The following SHCBP1 variants were observed in gnomAD, a reference collection of about 807,000 sequenced individuals.
SHCBP1 encodes the protein SHC binding and spindle associated 1, also known as SHC SH2 domain-binding protein 1.
In SHCBP1, 60 loss-of-function variants were observed where a neutral mutation model predicts 75.1. The ratio of observed to expected loss-of-function variants is 0.80; its 90% CI spans 0.65 to 0.99. SHCBP1 has a LOEUF of 0.99. Among genes scored for constraint, SHCBP1 ranks in the 50% least tolerant of loss-of-function variants. The pLI, the probability that SHCBP1 is intolerant of heterozygous loss-of-function variation, is 0.00. For synonymous variants in SHCBP1, 290 were observed against 293.2 expected (o/e 0.99, Z 0.11); for missense variants, 709 against 809.4 (o/e 0.88, Z 1.50).
In SHCBP1 at chr16:46,615,965, G is replaced by C; in HGVS notation, c.577C>G (p.Leu193Val). 6.2e-7 allele frequency: 1 copy of C among 1,614,094 alleles called. No homozygotes were observed. The highest frequency in any genetic ancestry group is 8.5e-7 in the Non-Finnish European group (1 of 1,180,028). ...DDSGVFDQTA[L>V]AIEHVRFFYQ... Reference sequence around the variant, plus strand: ...TCCTACCTGACATGCTCAATTGCAAGGGCTGTCTGGTCAAACACTCCTGAA... The same window carrying C: ...TCCTACCTGACATGCTCAATTGCAACGGCTGTCTGGTCAAACACTCCTGAA... Residue 193 changes from leucine (L) to valine (V), a missense_variant, in exon 4 of 13, where the codon CTT (leucine) becomes GTT (valine). Transcript: ENST00000303383.
At chr16:46,603,355 C>T (rs1229752758) in intron 8 of SHCBP1, among the ~76,000 whole-genome samples, 184 bp downstream of exon 8, 1 of 152,194 alleles carries the variant, frequency 6.6e-6, no homozygotes, top group Non-Finnish European at 1.5e-5. Flanking sequence ...AGAACCACAA[C>T]TCAAATTGCT....
At chr16:46,609,603 C>T (rs1965377077) in intron 4 of SHCBP1, among the ~76,000 whole-genome samples, 1 of 151,806 alleles carries the variant, frequency 6.6e-6, no homozygotes. Context: ...AGGCAACCGC[C>T]ACCACGCCTG....
chr16:46,602,637 A>C (rs1409526381), intron 8 of SHCBP1, among the ~76,000 whole-genome samples: 1 of 152,100 alleles, frequency 6.6e-6, no homozygotes, highest in Admixed American at 6.6e-5. Context: ...ACTGTGAAAA[A>C]GTTATTTTTT....
chr16:46,580,317 T>C lies in SHCBP1; in HGVS notation c.*1412A>G, dbSNP rs1476075916. ...GATTTTTTAAAAGTAAAAATACCTT[T>C]CAATGATCAAATAATAAATCTAACA... On this transcript the variant is annotated 3_prime_UTR_variant, in exon 13 of 13. Coordinates refer to ENST00000303383, the MANE Select transcript of SHCBP1 (RefSeq NM_024745.5). Among the ~76,000 whole-genome samples, 2 of 152,146 alleles carry C rather than the reference T, an allele frequency of 1.3e-5. No individual in the cohort carries two copies. Among genetic ancestry groups the C allele is most frequent in the Non-Finnish European group, 2.9e-5 (2 of 68,024 alleles).
chr16:46,601,329 AC>A (rs1233597290), intron 8 of SHCBP1, among the ~76,000 whole-genome samples: 1 of 152,308 alleles, frequency 6.6e-6, no homozygotes, highest in East Asian at 1.9e-4. Context: ...AAACAAAAAA[AC>A]CATCAGATCT....
intron 4 of SHCBP1, among the ~76,000 whole-genome samples, chr16:46,610,364 C>T (rs953674038): frequency 3.3e-5 from 5 of 151,998 alleles, no homozygotes; most frequent in African/African-American, 1.2e-4. Context: ...TCTCCTGCTG[C>T]TCTTTCACAG....
intron 10 of SHCBP1, among the ~76,000 whole-genome samples, chr16:46,589,128 A>C (rs1301047020): frequency 6.6e-6 from 1 of 152,236 alleles, no homozygotes; most frequent in African/African-American, 2.4e-5. Flanking sequence ...ACAGCGTCTC[A>C]TGCTAAAAAC....
chr16:46,581,405 T>C lies in SHCBP1; in HGVS notation c.*324A>G, dbSNP rs554060338. The C allele has an allele frequency of 1.1e-5, 3 of 267,600 alleles. No individual in the cohort carries two copies. The South Asian group carries it at 1.8e-4, about 16-fold the overall frequency. 16.6% of individuals were successfully genotyped at this position (267,600 alleles called of 1,614,324 possible). A position where few individuals can be genotyped will look rare whatever the true frequency, so the allele number is the denominator to read the frequency against. ...ACTAGTCTTGCATTCCCTTCCTTACTTCCTCGTCTTTGAAGTGCTAAAGGT... is the reference window on the plus strand; with the variant it reads ...ACTAGTCTTGCATTCCCTTCCTTACCTCCTCGTCTTTGAAGTGCTAAAGGT... On this transcript the variant is annotated 3_prime_UTR_variant, in exon 13 of 13. Transcript: ENST00000303383.
At chr16:46,601,452 C>A (rs1316973648) in intron 8 of SHCBP1, among the ~76,000 whole-genome samples, 1 of 152,130 alleles carries the variant, frequency 6.6e-6, no homozygotes, top group Non-Finnish European at 1.5e-5. Context: ...TAAAACAGAA[C>A]CACATAGACA....
intron 9 of SHCBP1, among the ~76,000 whole-genome samples, chr16:46,598,444 G>T (rs1965177153): frequency 6.6e-6 from 1 of 152,102 alleles, no homozygotes; most frequent in Non-Finnish European, 1.5e-5. Context: ...TTGTCAATAA[G>T]CAATCATATT....
At chr16:46,620,262 GTAA>G (rs1965564910) in intron 1 of SHCBP1, among the ~76,000 whole-genome samples, 1 of 151,934 alleles carries the variant, frequency 6.6e-6, no homozygotes, top group African/African-American at 2.4e-5. Context: ...TATTAATACT[GTAA>G]TAATAATACA....
intron 9 of SHCBP1, among the ~76,000 whole-genome samples, chr16:46,597,680 T>C (rs1248810570): frequency 6.6e-6 from 1 of 152,198 alleles, no homozygotes; most frequent in African/African-American, 2.4e-5. Context: ...AAGGTGGCTA[T>C]GGCAATTTTT....
chr16:46,597,947 T>A (rs1338741334), intron 9 of SHCBP1, among the ~76,000 whole-genome samples: 1 of 152,238 alleles, frequency 6.6e-6, no homozygotes, highest in Non-Finnish European at 1.5e-5. Flanking sequence ...TCTTCGCTCA[T>A]CCATAAGAAG....
At chr16:46,617,865 T>G in intron 2 of SHCBP1, 116 bp from the exon 3 acceptor site, 1 of 820,974 alleles carries the variant, frequency 1.2e-6, no homozygotes, top group Non-Finnish European at 2.0e-6. Context: ...ATAATCTACT[T>G]GCAAACTAAA....
chr16:46,593,131 G>GC (rs1348554637), intron 10 of SHCBP1, among the ~76,000 whole-genome samples: 1 of 151,050 alleles, frequency 6.6e-6, no homozygotes, highest in African/African-American at 2.5e-5. Flanking sequence ...AATAAGGCAA[G>GC]GGGGGAAAAA....
Position 46,581,683 on chromosome 16 carries a change from G to T in SHCBP1, c.*46C>A. 1 of 1,513,116 alleles carries T rather than the reference G, an allele frequency of 6.6e-7. No homozygotes were observed. Among genetic ancestry groups the T allele is most frequent in the Non-Finnish European group, 9.1e-7 (1 of 1,104,292 alleles). The allele number at this position is 1,513,116 out of a possible 1,614,324, so 93.7% of individuals were successfully genotyped here. On this transcript the variant is annotated 3_prime_UTR_variant, in exon 13 of 13. Transcript: ENST00000303383. ...AATGGCAGCAGTGATTCTTAGGGCA[G>T]CATGTGCAAAATCCAGTATTTTGCT...
chr16:46,620,402 A>C (rs1289510848), intron 1 of SHCBP1: 1 of 152,052 alleles, frequency 6.6e-6, no homozygotes, highest in Admixed American at 6.6e-5. Context: ...GGCAACTACC[A>C]CTCTACTCTC....
intron 4 of SHCBP1, among the ~76,000 whole-genome samples, chr16:46,611,308 T>C (rs1345608676): frequency 6.6e-6 from 1 of 152,216 alleles, no homozygotes; most frequent in Non-Finnish European, 1.5e-5. Flanking sequence ...AAACAAAAAT[T>C]CATAAAGTAT....
intron 10 of SHCBP1, among the ~76,000 whole-genome samples, chr16:46,589,929 A>C (rs377184565): frequency 4.6e-5 from 7 of 152,224 alleles, no homozygotes; most frequent in Non-Finnish European, 8.8e-5. Context: ...ATACTACAAG[A>C]CTACAGTAAC....
Sources: gnomAD v4.1 joint callset for allele counts (sites outside exome capture counted in the v4.1 genomes callset) on GRCh38, gnomAD v4.1.1 for gene constraint, MANE v1.5 for transcripts, NCBI Gene and HGNC (gene_info 2026-07-23, HGNC 2026-07-21) for gene names.